Variants in ACACA observed in about 807,000 individuals in gnomAD.
The protein encoded by ACACA is acetyl-CoA carboxylase alpha, also known as acetyl-CoA carboxylase 1.
ACACA carries 103 observed loss-of-function variants against 296.1 expected under a neutral mutation model. The observed-to-expected ratio is 0.35, with a 90% CI of 0.30 to 0.41. ACACA has a LOEUF of 0.41. Among genes scored for constraint, ACACA ranks in the 10% least tolerant of loss-of-function variants. The probability of loss-of-function intolerance (pLI) is 1.00; values close to 1 mark genes in which losing one functional copy is unlikely to be tolerated. For missense variants in ACACA, 1,554 were observed against 2,989.7 expected, an observed-to-expected ratio of 0.52 and a Z score of 11.20; for synonymous variants, 953 against 1,038.6, an observed-to-expected ratio of 0.92 and a Z score of 1.58.
At chr17:37,200,985 T>C (rs1283822354) in intron 33 of ACACA, among the ~76,000 whole-genome samples, 4 of 152,246 alleles carry the variant, frequency 2.6e-5, no homozygotes, top group African/African-American at 9.6e-5. Flanking sequence ...GTCTAACAAA[T>C]TGTAACCTTT....
At chr17:37,310,793 CAA>C (rs74268026) in intron 3 of ACACA, among the ~76,000 whole-genome samples, 2 of 50,522 alleles carry the variant, frequency 4.0e-5, no homozygotes, top group Non-Finnish European at 7.9e-5. Flanking sequence ...GACACCATCT[CAA>C]AAAAAAAAAA....
At chr17:37,354,481 A>C (rs563841374) in intron 1 of ACACA, among the ~76,000 whole-genome samples, 16 of 152,246 alleles carry the variant, frequency 1.1e-4, no homozygotes, top group Admixed American at 1.0e-3. Context: ...AGCTAAACTC[A>C]TAAGAATTAA....
intron 52 of ACACA, among the ~76,000 whole-genome samples, chr17:37,103,808 G>T (rs2073505837): frequency 6.6e-6 from 1 of 152,148 alleles, no homozygotes; most frequent in Non-Finnish European, 1.5e-5. Context: ...AAGCCAAGGT[G>T]GGAGGATGGC....
intron 45 of ACACA, among the ~76,000 whole-genome samples, chr17:37,148,081 T>C (rs1052665725): frequency 1.3e-5 from 2 of 151,952 alleles, no homozygotes; most frequent in African/African-American, 4.8e-5. Context: ...GGGAACATCA[T>C]GGAAATATAG....
chr17:37,115,781 TC>T (rs2074218099), intron 50 of ACACA, among the ~76,000 whole-genome samples: 1 of 152,224 alleles, frequency 6.6e-6, no homozygotes. Context: ...CTTTTTGTCA[TC>T]ATCATGGCTA....
intron 2 of ACACA, among the ~76,000 whole-genome samples, chr17:37,337,247 T>TA (rs200312320): frequency 0.021 from 3,113 of 151,488 alleles, 53 homozygotes; most frequent in Middle Eastern, 0.048. Flanking sequence ...ATCCCATCCC[T>TA]AAAAAAAAAT....
chr17:37,292,305 T>C (rs1236585150), intron 3 of ACACA, among the ~76,000 whole-genome samples: 1 of 152,202 alleles, frequency 6.6e-6, no homozygotes, highest in Non-Finnish European at 1.5e-5. Context: ...TGATAGTCTT[T>C]CAAGGTTTAC....
intron 45 of ACACA, among the ~76,000 whole-genome samples, chr17:37,146,667 G>GA (rs1256839488): frequency 7.5e-6 from 1 of 133,066 alleles, no homozygotes; most frequent in Non-Finnish European, 1.6e-5. Flanking sequence ...AGGTGGGGGG[G>GA]AAGGGGGGGG....
At chr17:37,364,995 C>CA (rs1568059080) in intron 1 of ACACA, among the ~76,000 whole-genome samples, 1 of 151,996 alleles carries the variant, frequency 6.6e-6, no homozygotes, top group Non-Finnish European at 1.5e-5. Context: ...TTTTCTGAGA[C>CA]AGAGTCTCGC....
chr17:37,293,173 G>A (rs1369264790), intron 3 of ACACA, among the ~76,000 whole-genome samples: 1 of 152,036 alleles, frequency 6.6e-6, no homozygotes, highest in Non-Finnish European at 1.5e-5. Context: ...ACTTTTCCAC[G>A]TCTTTCTCCC....
At chr17:37,310,927 A>G (rs1598456804) in intron 3 of ACACA, among the ~76,000 whole-genome samples, 2 of 152,104 alleles carry the variant, frequency 1.3e-5, no homozygotes, top group Admixed American at 1.3e-4. Flanking sequence ...GAGACTGGAG[A>G]TTGGTAAGAG....
intron 2 of ACACA, among the ~76,000 whole-genome samples, chr17:37,332,828 T>C (rs557979407): frequency 6.0e-5 from 9 of 151,170 alleles, no homozygotes; most frequent in Non-Finnish European, 8.8e-5. Context: ...AAGAATCACT[T>C]GAACCCGGGA....
intron 20 of ACACA, 107 bp downstream of exon 20, chr17:37,244,973 A>T: frequency 3.3e-6 from 5 of 1,534,552 alleles, no homozygotes; most frequent in Non-Finnish European, 4.5e-6. Flanking sequence ...ATAGGGGACA[A>T]AGCTAAAGAA....
At chr17:37,159,234 A>C (rs182872620) in intron 42 of ACACA, among the ~76,000 whole-genome samples, 2 of 152,022 alleles carry the variant, frequency 1.3e-5, no homozygotes, top group Non-Finnish European at 2.9e-5. Context: ...TTGGTTTTTA[A>C]AGTTTTTTTT....
chr17:37,184,422 G>A (rs1295028722), intron 39 of ACACA, among the ~76,000 whole-genome samples: 1 of 152,202 alleles, frequency 6.6e-6, no homozygotes, highest in Non-Finnish European at 1.5e-5. Context: ...GCTAGTCAAA[G>A]CTATATCTGA....
At chr17:37,376,549 A>C (rs1025351809) in intron 1 of ACACA, among the ~76,000 whole-genome samples, 5 of 152,076 alleles carry the variant, frequency 3.3e-5, no homozygotes, top group African/African-American at 4.8e-5. Flanking sequence ...TTGGGTGGGG[A>C]GAGCTGAGGG....
At chr17:37,103,372 T>C (rs965423478) in intron 52 of ACACA, among the ~76,000 whole-genome samples, 15 of 152,224 alleles carry the variant, frequency 9.9e-5, no homozygotes, top group African/African-American at 3.6e-4. Flanking sequence ...CACTGGACTA[T>C]TGTAAAAAGC....
chr17:37,303,246 AATAAT>A (rs778607619), intron 3 of ACACA, among the ~76,000 whole-genome samples: 29 of 152,390 alleles, frequency 1.9e-4, no homozygotes, highest in South Asian at 4.1e-4. Context: ...ATATAAATGG[AATAAT>A]ATAATATGTG....
chr17:37,395,387 G>A (rs2051044112), intron 1 of ACACA, among the ~76,000 whole-genome samples: 1 of 148,160 alleles, frequency 6.7e-6, no homozygotes, highest in East Asian at 2.0e-4. Flanking sequence ...CTGAGATCGT[G>A]TCACTGCACT....
Sources: gnomAD v4.1 joint callset for allele counts (sites outside exome capture counted in the v4.1 genomes callset) on GRCh38, gnomAD v4.1.1 for gene constraint, MANE v1.5 for transcripts, NCBI Gene and HGNC (gene_info 2026-07-23, HGNC 2026-07-21) for gene names.